TUFT1: variants seen among roughly 807,000 people sequenced by gnomAD.
The protein encoded by TUFT1 is tuftelin.
A neutral mutation model predicts 57.8 loss-of-function variants in TUFT1; 43 were observed. The ratio of observed to expected loss-of-function variants is 0.74; its 90% CI spans 0.58 to 0.96. The LOEUF is 0.96. Ranked by LOEUF, TUFT1 falls within the 40% of genes least tolerant of loss-of-function variation. The pLI, the probability that TUFT1 is intolerant of heterozygous loss-of-function variation, is 0.00. For synonymous variants in TUFT1, 166 were observed against 176.7 expected, an observed-to-expected ratio of 0.94 and a Z score of 0.48; for missense variants, 459 against 489.0, an observed-to-expected ratio of 0.94 and a Z score of 0.58.
Position 151,569,785 on chromosome 1 carries a change from T to A in TUFT1, c.594+15T>A. The A allele has an allele frequency of 1.9e-6, 3 of 1,608,648 alleles. No homozygotes were observed. The highest frequency in any genetic ancestry group is 2.6e-6 in the Non-Finnish European group (3 of 1,175,336). On this transcript the variant is annotated intron_variant, in intron 7 of 12. Coordinates refer to ENST00000368849, the MANE Select transcript of TUFT1 (RefSeq NM_020127.3). ...TGGCTTTTGAGGTGAGATTTGGGAT[T>A]TGGGGAGAAGGTGCCCTAAGGGATG...
At chr1:151,545,874 A>ATC (rs1265435222) in intron 1 of TUFT1, 1 of 533,184 alleles carries the variant, frequency 1.9e-6, no homozygotes, top group Admixed American at 1.9e-5. Flanking sequence ...ATATTTTGGC[A>ATC]TCTCTCTCTG....
At chr1:151,562,560 C>CTGTG in intron 2 of TUFT1, 25 bp from the exon 3 acceptor site, 1 of 1,541,048 alleles carries the variant, frequency 6.5e-7, no homozygotes, top group Non-Finnish European at 9.0e-7. Context: ...CTCTCTCTCT[C>CTGTG]TCTCTCTCAT....
chr1:151,558,781 C>CTT (rs56003478), intron 1 of TUFT1, among the ~76,000 whole-genome samples: 143 of 142,034 alleles, frequency 1.0e-3, no homozygotes, highest in Non-Finnish European at 1.2e-3. Flanking sequence ...AGATAGTGTC[C>CTT]TTTTTTTTTT....
At chr1:151,578,654 T>C (rs980728273) in intron 9 of TUFT1, 67 bp from the exon 10 acceptor site, 3 of 1,388,212 alleles carry the variant, frequency 2.2e-6, no homozygotes, top group Non-Finnish European at 3.0e-6. Context: ...AGCTCAAGGC[T>C]CTTCCTGTGA....
intron 1 of TUFT1, chr1:151,561,515 C>G: frequency 7.6e-6 from 7 of 926,820 alleles, no homozygotes; most frequent in Non-Finnish European, 8.9e-6. Context: ...ACTTCTTTGA[C>G]TTATGAAAGA....
At chr1:151,562,544 A>ATCTCTC (rs34211422) in intron 2 of TUFT1, 41 bp from the exon 3 acceptor site, 427 of 1,397,984 alleles carry the variant, frequency 3.1e-4, no homozygotes, top group Admixed American at 4.9e-4. Flanking sequence ...TGTCTGAGCC[A>ATCTCTC]TCTCTCTCTC....
chr1:151,579,569 C>A, intron 10 of TUFT1, 80 bp from the exon 11 acceptor site: 1 of 1,460,084 alleles, frequency 6.8e-7, no homozygotes. Context: ...TGCTGCCTTC[C>A]CCAGCAGCTG....
At position 151,581,001 on chromosome 1, in the gene TUFT1, C is replaced by T; in HGVS notation, c.1068C>T (p.Asn356=). ...HLIEKQISHG[N]FSTQARAKTE... ...TAGAAAAACAAATCAGTCATGGCAA[C>T]TTCAGCACCCAGGCCCGGGCCAAGA... The change falls in exon 12 of 13, where the codon AAC becomes AAT. Residue 356 remains asparagine, a synonymous_variant. Transcript: ENST00000368849. 1.2e-6 allele frequency: 2 copies of T among 1,614,190 alleles called. No individual in the cohort carries two copies. Among genetic ancestry groups the T allele is most frequent in the Non-Finnish European group, 1.7e-6 (2 of 1,180,034 alleles).
chr1:151,563,255 C>T (rs763359060), intron 3 of TUFT1, among the ~76,000 whole-genome samples: 1 of 151,618 alleles, frequency 6.6e-6, no homozygotes, highest in Non-Finnish European at 1.5e-5. Flanking sequence ...TATAAAACAG[C>T]TTTTTTAGAT....
chr1:151,579,982 G>A (rs533732809), intron 11 of TUFT1, among the ~76,000 whole-genome samples: 1 of 152,324 alleles, frequency 6.6e-6, no homozygotes, highest in Non-Finnish European at 1.5e-5. Context: ...CATGGTGCAA[G>A]CCACATGCCA....
At chr1:151,546,945 G>T (rs1385071407) in intron 1 of TUFT1, among the ~76,000 whole-genome samples, 1 of 129,502 alleles carries the variant, frequency 7.7e-6, no homozygotes, top group Non-Finnish European at 1.8e-5. Context: ...GGATTCATCT[G>T]TAGCCATTGC....
intron 12 of TUFT1, among the ~76,000 whole-genome samples, 193 bp from the exon 13 acceptor site, chr1:151,581,451 T>A (rs1374834537): frequency 6.6e-6 from 1 of 152,074 alleles, no homozygotes; most frequent in Non-Finnish European, 1.5e-5. Flanking sequence ...ACAAGACACA[T>A]GTATCATGCC....
At chr1:151,569,850 C>T in intron 7 of TUFT1, 80 bp downstream of exon 7, 1 of 1,159,186 alleles carries the variant, frequency 8.6e-7, no homozygotes, top group Non-Finnish European at 1.3e-6. Context: ...TCAGCTTGGA[C>T]TTCCTGTCTT....
chr1:151,560,156 G>A (rs1361905369), intron 1 of TUFT1, among the ~76,000 whole-genome samples: 1 of 149,026 alleles, frequency 6.7e-6, no homozygotes, highest in Non-Finnish European at 1.5e-5. Context: ...GGTGGCTCAC[G>A]CCTGTAATCC....
Position 151,566,219 on chromosome 1 carries a change from C to A in TUFT1, c.471C>A (p.Ser157Arg). 1 of 1,611,332 alleles carries A rather than the reference C, an allele frequency of 6.2e-7. No individual in the cohort carries two copies. Among genetic ancestry groups the A allele is most frequent in the Admixed American group, 1.7e-5 (1 of 59,832 alleles). ...AGAGTCCCACAGCCCTGTACAGCAGCCCACCTGAGGTAGGTAACAGAGGAC... is the reference window on the plus strand; with the variant it reads ...AGAGTCCCACAGCCCTGTACAGCAGACCACCTGAGGTAGGTAACAGAGGAC... ...FSQSPTALYS[S>R]PPEVDTCINE... Residue 157 changes from serine (S) to arginine (R), a missense_variant, in exon 6 of 13, where the codon AGC (serine) becomes AGA (arginine). Ser to Arg is a moderately radical substitution (Grantham distance 110, BLOSUM62 -1). Coordinates refer to ENST00000368849, the MANE Select transcript of TUFT1 (RefSeq NM_020127.3).
At chr1:151,551,883 A>G (rs1380664113) in intron 1 of TUFT1, among the ~76,000 whole-genome samples, 1 of 152,176 alleles carries the variant, frequency 6.6e-6, no homozygotes, top group Admixed American at 6.5e-5. Context: ...ACAGAAAAAT[A>G]TGTACATCAC....
intron 9 of TUFT1, 94 bp downstream of exon 9, chr1:151,575,099 G>A (rs1232599192): frequency 1.8e-6 from 2 of 1,102,532 alleles, no homozygotes; most frequent in African/African-American, 3.1e-5. Context: ...CCTGGTCTGG[G>A]GAGGAAGCTG....
chr1:151,545,462 C>A (rs1665304840), intron 1 of TUFT1, among the ~76,000 whole-genome samples: 1 of 152,186 alleles, frequency 6.6e-6, no homozygotes, highest in Non-Finnish European at 1.5e-5. Flanking sequence ...ATAATAATTG[C>A]ACCCTTCTCA....
rs1666073103 is a variant in TUFT1 at position 151,566,214 on chromosome 1, A to G, written c.466A>G (p.Ser156Gly). The change falls in exon 6 of 13, where the codon AGC becomes GGC. Residue 156 changes from serine (S) to glycine (G), a missense_variant. Physicochemically the swap from Ser to Gly is moderately conservative, Grantham distance 56. Transcript: ENST00000368849. ...TAGTCAGAGTCCCACAGCCCTGTAC[A>G]GCAGCCCACCTGAGGTAGGTAACAG... The part of the protein sequence containing the change: ...GFSQSPTALY[S>G]SPPEVDTCIN... 7 of 1,611,884 alleles carry G rather than the reference A, an allele frequency of 4.3e-6. No homozygotes were observed. The highest frequency in any genetic ancestry group is 5.1e-6 in the Non-Finnish European group (6 of 1,179,272).
Sources: gnomAD v4.1 joint callset for allele counts (sites outside exome capture counted in the v4.1 genomes callset) on GRCh38, gnomAD v4.1.1 for gene constraint, MANE v1.5 for transcripts, NCBI Gene and HGNC (gene_info 2026-07-23, HGNC 2026-07-21) for gene names.